Variants in CDYL2 observed in about 807,000 individuals in gnomAD.
The protein encoded by CDYL2 is chromodomain Y like 2.
Under a neutral mutation model 49.4 loss-of-function variants are expected in CDYL2, and 23 were observed. The ratio of observed to expected loss-of-function variants is 0.47; its 90% confidence interval spans 0.34 to 0.66. The LOEUF (loss-of-function observed/expected upper bound fraction) is 0.66. CDYL2 is among the 30% of genes least tolerant of loss of function. CDYL2 has a pLI of 0.01. For missense variants in CDYL2, 678 were observed against 656.4 expected (o/e 1.03, Z -0.36); for synonymous variants, 360 against 268.8 (o/e 1.34, Z -3.32).
intron 1 of CDYL2, among the ~76,000 whole-genome samples, chr16:80,721,997 C>T (rs1344276751): frequency 6.6e-6 from 1 of 152,170 alleles, no homozygotes; most frequent in Non-Finnish European, 1.5e-5. Context: ...GGAGACCCTT[C>T]TTTGAGGAAG....
chr16:80,773,645 AGAT>A (rs1463826489), intron 1 of CDYL2, among the ~76,000 whole-genome samples: 2 of 152,198 alleles, frequency 1.3e-5, no homozygotes, highest in African/African-American at 4.8e-5. Context: ...AATAAAATAA[AGAT>A]GACAGAAAAT....
At position 80,674,873 on chromosome 16, in the gene CDYL2, A is replaced by G. The variant is rs566658513; in HGVS notation, c.616+9665T>C. Among the ~76,000 whole-genome samples the G allele has an allele frequency of 2.0e-5, 3 of 152,366 alleles. No homozygotes were observed. In the South Asian group the frequency reaches 6.2e-4, roughly 32 times the overall value. ...TTTTGCCATTTCTTCTAGCATTGAA[A>G]TAAACTTTGACAATTGAGGGAGTCC... is the stretch of plus-strand genomic sequence containing the variant. On this transcript the variant is annotated intron_variant, in intron 2 of 6. Transcript: ENST00000570137.
rs75147199 is a variant in CDYL2 at position 80,634,699 on chromosome 16, C to T, written c.617-1463G>A. On this transcript the variant is annotated intron_variant, in intron 2 of 6. Transcript: ENST00000570137. Reference sequence around the variant, plus strand: ...AGAAATACTAAGAAAAACTGCTCTGCCCATGTATTTGATAACTTAGATGAA... The same window carrying T: ...AGAAATACTAAGAAAAACTGCTCTGTCCATGTATTTGATAACTTAGATGAA... Among the ~76,000 whole-genome samples the T allele has an allele frequency of 7.7e-3, 1,170 of 152,000 alleles. 31 individuals are homozygous for T. Among genetic ancestry groups the T allele is most frequent in the East Asian group, 0.073 (376 of 5,176 alleles).
rs79809513 is a variant in CDYL2, at chr16:80,662,938, A to G, written c.616+21600T>C. Among the ~76,000 whole-genome samples the G allele has an allele frequency of 2.6e-3, 403 of 152,232 alleles. 1 individual carries two copies. The highest frequency in any genetic ancestry group is 9.3e-3 in the African/African-American group (387 of 41,566). On this transcript the variant is annotated intron_variant, in intron 2 of 6. Transcript: ENST00000570137. The stretch of plus-strand genomic sequence containing the variant: ...TTCAGAACCAGCGGAGGCCCAGCAC[A>G]AAGAACGACACAAGTCATTCTTTGT...
intron 3 of CDYL2, among the ~76,000 whole-genome samples, chr16:80,630,622 C>T (rs1597134842): frequency 6.6e-6 from 1 of 152,002 alleles, no homozygotes; most frequent in Non-Finnish European, 1.5e-5. Flanking sequence ...AGCAGAGAAC[C>T]CCAGGGATGC....
chr16:80,637,263 T>G (rs1907877540), intron 2 of CDYL2, among the ~76,000 whole-genome samples: 1 of 152,162 alleles, frequency 6.6e-6, no homozygotes, highest in African/African-American at 2.4e-5. Context: ...CTTCTTCAAT[T>G]TGGCAAAGAA....
intron 2 of CDYL2, among the ~76,000 whole-genome samples, chr16:80,646,003 G>C (rs1232140093): frequency 9.9e-6 from 1 of 100,632 alleles, no homozygotes; most frequent in Non-Finnish European, 1.9e-5. Flanking sequence ...GGGGAGGGGG[G>C]AGGGGGGAGG....
At chr16:80,618,598 C>A (rs1054909960) in intron 4 of CDYL2, among the ~76,000 whole-genome samples, 6 of 152,186 alleles carry the variant, frequency 3.9e-5, no homozygotes, top group African/African-American at 1.4e-4. Context: ...TGTTTCTGTT[C>A]AGCTTCCATC....
At chr16:80,656,432 G>A (rs1208106376) in intron 2 of CDYL2, among the ~76,000 whole-genome samples, 2 of 152,222 alleles carry the variant, frequency 1.3e-5, no homozygotes, top group Non-Finnish European at 1.5e-5. Context: ...CCCCCTCATG[G>A]GCTGCAGGGC....
chr16:80,694,933 G>A (rs1910561342), intron 1 of CDYL2, among the ~76,000 whole-genome samples: 1 of 152,192 alleles, frequency 6.6e-6, no homozygotes, highest in Non-Finnish European at 1.5e-5. Context: ...AGCTCCCGAT[G>A]GCCAAAACTG....
At chr16:80,654,780 T>C (rs1414305458) in intron 2 of CDYL2, among the ~76,000 whole-genome samples, 1 of 152,222 alleles carries the variant, frequency 6.6e-6, no homozygotes, top group African/African-American at 2.4e-5. Context: ...CCCAGTTTTG[T>C]ATTGTTCCCT....
At chr16:80,728,010 C>G (rs867913178) in intron 1 of CDYL2, among the ~76,000 whole-genome samples, 100 of 152,278 alleles carry the variant, frequency 6.6e-4, no homozygotes, top group African/African-American at 2.2e-3. Context: ...AAAAACAGAG[C>G]AGAAAAACTG....
chr16:80,661,306 G>A (rs566031727), intron 2 of CDYL2, among the ~76,000 whole-genome samples: 11 of 142,214 alleles, frequency 7.7e-5, no homozygotes, highest in Non-Finnish European at 1.2e-4. Context: ...GATTATTATG[G>A]GCAGCTGGAG....
chr16:80,759,684 AT>A (rs1237885588), intron 1 of CDYL2, among the ~76,000 whole-genome samples: 3 of 152,230 alleles, frequency 2.0e-5, no homozygotes, highest in African/African-American at 4.8e-5. Context: ...AAGTAAATGT[AT>A]AACCATAAAG....
At chr16:80,768,731 A>T (rs1397869688) in intron 1 of CDYL2, among the ~76,000 whole-genome samples, 1 of 152,222 alleles carries the variant, frequency 6.6e-6, no homozygotes, top group Non-Finnish European at 1.5e-5. Context: ...GATGACATGT[A>T]GCATAACACC....
At chr16:80,715,876 C>G (rs186550252) in intron 1 of CDYL2, among the ~76,000 whole-genome samples, 1 of 152,264 alleles carries the variant, frequency 6.6e-6, no homozygotes, top group Admixed American at 6.5e-5. Flanking sequence ...TCCTTTCATT[C>G]CCCATCCCTC....
At chr16:80,770,786 T>C (rs893089014) in intron 1 of CDYL2, among the ~76,000 whole-genome samples, 4 of 152,120 alleles carry the variant, frequency 2.6e-5, no homozygotes, top group Non-Finnish European at 4.4e-5. Context: ...CATCAAAAAC[T>C]AGGGAAAAGA....
intron 1 of CDYL2, among the ~76,000 whole-genome samples, chr16:80,758,408 T>A (rs565851216): frequency 2.6e-5 from 4 of 152,006 alleles, no homozygotes; most frequent in South Asian, 2.1e-4. Context: ...TTGCAAGGGG[T>A]TGGGGAGGTA....
At position 80,762,061 on chromosome 16, in the gene CDYL2, C is replaced by T. The variant is rs1007957401; in HGVS notation, c.24+42089G>A. Among the ~76,000 whole-genome samples the T allele has an allele frequency of 4.5e-4, 68 of 152,100 alleles. 1 individual carries two copies. The highest frequency in any genetic ancestry group is 1.5e-3 in the African/African-American group (61 of 41,498). On this transcript the variant is annotated intron_variant, in intron 1 of 6. Transcript: ENST00000570137. The stretch of plus-strand genomic sequence containing the variant: ...ATTAGCCAGGCATAGTGGTACACAA[C>T]AGTAGTCCCAGGTACTCGGGAGGCT...
Sources: allele counts gnomAD v4.1 joint callset (sites outside exome capture counted in the v4.1 genomes callset), GRCh38; gene constraint gnomAD v4.1.1; transcripts MANE v1.5; gene names NCBI Gene and HGNC (gene_info 2026-07-23, HGNC 2026-07-21).